Variants in LSAMP observed in about 807,000 individuals in gnomAD.
LSAMP encodes the protein limbic system-associated membrane protein.
Under a neutral mutation model 38.6 loss-of-function variants are expected in LSAMP, and 7 were observed. The observed-to-expected ratio is 0.18, with a 90% confidence interval of 0.10 to 0.34. The LOEUF is 0.34. LSAMP is among the 10% of genes least tolerant of loss of function. The pLI is 1.00. For missense variants in LSAMP, 313 were observed against 420.0 expected (o/e 0.75, Z 2.23); for synonymous variants, 154 against 166.8 (o/e 0.92, Z 0.59).
intron 1 of LSAMP, among the ~76,000 whole-genome samples, chr3:116,204,506 G>A (rs1005042698): frequency 6.6e-6 from 1 of 151,170 alleles, no homozygotes; most frequent in African/African-American, 2.4e-5. Flanking sequence ...TATTGCCTAG[G>A]TTTTCTTCTA....
chr3:116,142,342 G>C (rs1026080055), intron 1 of LSAMP, among the ~76,000 whole-genome samples: 1 of 151,976 alleles, frequency 6.6e-6, no homozygotes, highest in Non-Finnish European at 1.5e-5. Flanking sequence ...AGAAAGTATA[G>C]TTTTTATGTT....
At chr3:115,828,547 C>A (rs1267033044) in intron 6 of LSAMP, among the ~76,000 whole-genome samples, 2 of 152,206 alleles carry the variant, frequency 1.3e-5, no homozygotes, top group African/African-American at 2.4e-5. Flanking sequence ...TGCTGCCGTG[C>A]ACTCTAAAGA....
chr3:116,441,557 C>CT (rs1296598906), intron 1 of LSAMP, among the ~76,000 whole-genome samples: 1 of 152,186 alleles, frequency 6.6e-6, no homozygotes, highest in Non-Finnish European at 1.5e-5. Flanking sequence ...TTCTGCTATT[C>CT]TTTGACTTGT....
At chr3:116,314,004 C>T (rs184502636) in intron 1 of LSAMP, among the ~76,000 whole-genome samples, 80 of 152,300 alleles carry the variant, frequency 5.3e-4, no homozygotes, top group Middle Eastern at 3.4e-3. Flanking sequence ...GAAGCACTTT[C>T]CCACAGCTGT....
rs548339318 is a variant in LSAMP, at chr3:116,082,428, C to T, written c.388+3896G>A. The stretch of plus-strand genomic sequence containing the variant: ...AGCACAATGATTCAGAAGTTTAGTT[C>T]CCATTTTTATAAATTCTGATTCCAT... On this transcript the variant is annotated intron_variant, in intron 2 of 6. Coordinates refer to ENST00000490035, the MANE Select transcript of LSAMP (RefSeq NM_002338.5). Among the ~76,000 whole-genome samples, 18 of 152,236 alleles carry T rather than the reference C, an allele frequency of 1.2e-4. No homozygotes were observed. The East Asian group carries it at 3.5e-3, about 29-fold the overall frequency.
intron 1 of LSAMP, among the ~76,000 whole-genome samples, chr3:116,235,505 A>AAGAGAT (rs1293541028): frequency 1.3e-5 from 2 of 152,152 alleles, no homozygotes; most frequent in African/African-American, 4.8e-5. Context: ...GGAAGAGAGA[A>AAGAGAT]AGAGATAGAG....
intron 1 of LSAMP, among the ~76,000 whole-genome samples, chr3:116,238,214 T>C (rs371406373): frequency 3.9e-5 from 6 of 152,216 alleles, no homozygotes; most frequent in Non-Finnish European, 5.9e-5. Context: ...CTGGGGCTTT[T>C]ACCTTTTTAA....
At chr3:116,030,838 C>T (rs552074856) in intron 2 of LSAMP, among the ~76,000 whole-genome samples, 12 of 152,096 alleles carry the variant, frequency 7.9e-5, no homozygotes, top group African/African-American at 2.9e-4. Context: ...ATTCTTAGAG[C>T]AGATGAAAAT....
intron 6 of LSAMP, among the ~76,000 whole-genome samples, chr3:115,825,060 A>C: frequency 6.6e-6 from 1 of 152,188 alleles, no homozygotes; most frequent in Middle Eastern, 3.2e-3. Context: ...ATGCCTTTTC[A>C]TTTTGTATGT....
intron 1 of LSAMP, among the ~76,000 whole-genome samples, chr3:116,173,771 G>A (rs1710266258): frequency 9.6e-6 from 1 of 104,026 alleles, no homozygotes. Flanking sequence ...TAGAAGAAGA[G>A]GGGAAAACAT....
intron 3 of LSAMP, among the ~76,000 whole-genome samples, chr3:115,943,098 AG>A (rs986716415): frequency 6.6e-6 from 1 of 152,168 alleles, no homozygotes; most frequent in African/African-American, 2.4e-5. Context: ...AGCATTTATG[AG>A]GGGGGCACAT....
intron 3 of LSAMP, among the ~76,000 whole-genome samples, chr3:115,945,934 T>C (rs960908461): frequency 1.3e-5 from 2 of 152,188 alleles, no homozygotes; most frequent in African/African-American, 4.8e-5. Flanking sequence ...AACTGAAGTT[T>C]TTAAATACAA....
At chr3:115,914,788 G>A (rs1342104153) in intron 3 of LSAMP, among the ~76,000 whole-genome samples, 1 of 152,090 alleles carries the variant, frequency 6.6e-6, no homozygotes, top group Non-Finnish European at 1.5e-5. Flanking sequence ...TACCTGTTGT[G>A]TCAGGAAGAA....
chr3:116,065,515 A>T (rs183465811), intron 2 of LSAMP, among the ~76,000 whole-genome samples: 5 of 152,322 alleles, frequency 3.3e-5, no homozygotes, highest in Admixed American at 2.6e-4. Context: ...AGTCATGTGG[A>T]TCATCTTTAC....
At chr3:116,215,396 T>C (rs73140968) in intron 1 of LSAMP, among the ~76,000 whole-genome samples, 28,727 of 152,006 alleles carry the variant, frequency 0.19, 2,780 homozygotes, top group Admixed American at 0.24. Context: ...CTTCCAACTT[T>C]GCTTTTTAAA....
intron 1 of LSAMP, among the ~76,000 whole-genome samples, chr3:116,425,001 GA>G (rs775969635): frequency 0.018 from 2,413 of 131,432 alleles, 42 homozygotes; most frequent in Non-Finnish European, 0.022. Flanking sequence ...GTTGAAGAAG[GA>G]AAAAAAAAAA....
intron 3 of LSAMP, among the ~76,000 whole-genome samples, chr3:115,917,603 T>C (rs893971478): frequency 6.6e-6 from 1 of 152,188 alleles, no homozygotes; most frequent in African/African-American, 2.4e-5. Context: ...ATTCCATCCC[T>C]TCCCATTTTG....
At chr3:116,316,163 T>C (rs2047626534) in intron 1 of LSAMP, among the ~76,000 whole-genome samples, 1 of 152,160 alleles carries the variant, frequency 6.6e-6, no homozygotes, top group South Asian at 2.1e-4. Context: ...GCCTTGACGA[T>C]AAGTTGAAAT....
intron 4 of LSAMP, among the ~76,000 whole-genome samples, chr3:115,850,967 C>T (rs764073732): frequency 8.3e-6 from 1 of 120,356 alleles, no homozygotes; most frequent in Non-Finnish European, 1.7e-5. Context: ...ATAAATCTCT[C>T]TCTCTCTCTC....
Sources: gnomAD v4.1 joint callset for allele counts (sites outside exome capture counted in the v4.1 genomes callset) on GRCh38, gnomAD v4.1.1 for gene constraint, MANE v1.5 for transcripts, NCBI Gene and HGNC (gene_info 2026-07-23, HGNC 2026-07-21) for gene names.